PTH2R: variants seen among roughly 807,000 people sequenced by gnomAD.
PTH2R encodes parathyroid hormone 2 receptor, also known as PTH2 receptor.
A neutral mutation model predicts 60.3 loss-of-function variants in PTH2R; 59 were observed. That is an observed-to-expected ratio of 0.98 (90% CI 0.79 to 1.22). The LOEUF (loss-of-function observed/expected upper bound fraction) is 1.22, where lower values mean the gene tolerates loss of function less well. Ranked by LOEUF, PTH2R falls within the 50% of genes most tolerant of loss-of-function variation. The probability of loss-of-function intolerance (pLI) is 0.00; values close to 1 mark genes in which losing one functional copy is unlikely to be tolerated. For missense variants in PTH2R, 749 were observed against 682.6 expected, an observed-to-expected ratio of 1.10 and a Z score of -1.08; for synonymous variants, 256 against 243.8, an observed-to-expected ratio of 1.05 and a Z score of -0.47.
chr2:208,377,267 C>A (rs1463794669), intron 1 of PTH2R, among the ~76,000 whole-genome samples: 1 of 152,160 alleles, frequency 6.6e-6, no homozygotes, highest in Non-Finnish European at 1.5e-5. Context: ...CCCATGTCTA[C>A]TTCTTTCTAC....
chr2:208,477,927 A>G (rs1294598128), intron 9 of PTH2R, among the ~76,000 whole-genome samples: 2 of 146,370 alleles, frequency 1.4e-5, no homozygotes, highest in Admixed American at 1.4e-4. Flanking sequence ...TACTACTAGT[A>G]CTAGCACTAC....
chr2:208,447,093 T>C (rs1159527788), intron 7 of PTH2R, among the ~76,000 whole-genome samples: 1 of 152,148 alleles, frequency 6.6e-6, no homozygotes, highest in Non-Finnish European at 1.5e-5. Flanking sequence ...GTTACACTTA[T>C]ATTGATTGTG....
At chr2:208,488,928 T>C in intron 10 of PTH2R, 84 bp from the exon 11 acceptor site, 1 of 1,438,852 alleles carries the variant, frequency 6.9e-7, no homozygotes, top group Non-Finnish European at 9.4e-7. Context: ...TTAGCTCTGC[T>C]AAGTTTTTTT....
At chr2:208,462,425 G>A (rs1328876930) in intron 9 of PTH2R, among the ~76,000 whole-genome samples, 2 of 152,170 alleles carry the variant, frequency 1.3e-5, no homozygotes, top group South Asian at 2.1e-4. Flanking sequence ...TGGCCCTCCT[G>A]GGAATAAGAA....
intron 7 of PTH2R, among the ~76,000 whole-genome samples, chr2:208,447,101 G>A (rs1401577466): frequency 1.3e-5 from 2 of 152,056 alleles, no homozygotes; most frequent in Admixed American, 6.6e-5. Context: ...TATATTGATT[G>A]TGATGATCCT....
At position 208,378,342 on chromosome 2, in the gene PTH2R, C is replaced by T. The variant is rs565253144; in HGVS notation, c.-259+18105C>T. Among the ~76,000 whole-genome samples the T allele has an allele frequency of 7.6e-4, 116 of 151,796 alleles. 1 individual carries two copies. Among genetic ancestry groups the T allele is most frequent in the Middle Eastern group, 3.4e-3 (1 of 294 alleles). On this transcript the variant is annotated intron_variant, in intron 1 of 12. Transcript: ENST00000617735. ...GCAGCAGTACAGTCCAGCTTTGGCT[C>T]GGCATCAGAGGGATACCGTGGAAAG...
intron 1 of PTH2R, among the ~76,000 whole-genome samples, chr2:208,426,667 G>A (rs1574862190): frequency 6.6e-6 from 1 of 152,230 alleles, no homozygotes; most frequent in East Asian, 1.9e-4. Flanking sequence ...TTGTGGTTTT[G>A]TAAATGTCTG....
intron 1 of PTH2R, 84 bp from the exon 2 acceptor site, chr2:208,428,117 A>G: frequency 2.0e-6 from 2 of 984,476 alleles, no homozygotes; most frequent in South Asian, 1.7e-5. Flanking sequence ...ATTTTCAATT[A>G]GATTAGAAGG....
At chr2:208,417,914 G>A (rs1701674091) in intron 1 of PTH2R, among the ~76,000 whole-genome samples, 2 of 152,040 alleles carry the variant, frequency 1.3e-5, no homozygotes, top group African/African-American at 4.8e-5. Flanking sequence ...TTTTAACTAT[G>A]TTAAAATACA....
Position 208,490,638 on chromosome 2 carries a change from G to A in PTH2R, c.1216-1G>A. 1 of 1,610,336 alleles carries A rather than the reference G, an allele frequency of 6.2e-7. No individual in the cohort carries two copies. The highest frequency in any genetic ancestry group is 1.1e-5 in the South Asian group (1 of 90,138). On this transcript the variant is annotated splice_acceptor_variant, in intron 11 of 12. Transcript: ENST00000272847. LOFTEE classifies it high-confidence loss of function. The stretch of plus-strand genomic sequence containing the variant: ...GGGCTGACTTTCTCTTTTGTCTGCA[G>A]GGTTTCTTTGTGTCTATCATCTACT...
At chr2:208,362,638 T>G (rs963282271) in intron 1 of PTH2R, among the ~76,000 whole-genome samples, 3 of 152,230 alleles carry the variant, frequency 2.0e-5, no homozygotes, top group Admixed American at 6.5e-5. Context: ...TAACCATGGG[T>G]ATGCAAATAC....
chr2:208,386,727 C>G (rs528246164), intron 1 of PTH2R, among the ~76,000 whole-genome samples: 1 of 152,160 alleles, frequency 6.6e-6, no homozygotes, highest in African/African-American at 2.4e-5. Context: ...ACAGATTTCT[C>G]GCTGTATTCT....
intron 2 of PTH2R, among the ~76,000 whole-genome samples, chr2:208,434,662 C>T (rs1347163908): frequency 6.6e-6 from 1 of 151,856 alleles, no homozygotes; most frequent in Admixed American, 6.6e-5. Flanking sequence ...AATGTGTGTC[C>T]AGGTCCAATT....
intron 1 of PTH2R, among the ~76,000 whole-genome samples, chr2:208,416,836 C>T (rs1447077732): frequency 1.3e-5 from 2 of 152,188 alleles, no homozygotes; most frequent in Admixed American, 1.3e-4. Context: ...TGGTTGCTTC[C>T]TGCCCTTGAA....
intron 1 of PTH2R, among the ~76,000 whole-genome samples, chr2:208,412,122 T>C (rs919838945): frequency 1.3e-5 from 2 of 152,236 alleles, no homozygotes; most frequent in African/African-American, 2.4e-5. Context: ...CTGATAGCAA[T>C]TGGACATTTT....
chr2:208,432,343 A>G (rs1559218228), intron 2 of PTH2R, among the ~76,000 whole-genome samples: 2 of 152,174 alleles, frequency 1.3e-5, no homozygotes, highest in African/African-American at 4.8e-5. Context: ...ATCTTTCAGG[A>G]TGGTGTATAA....
intron 9 of PTH2R, among the ~76,000 whole-genome samples, chr2:208,477,182 G>T (rs758601056): frequency 6.6e-6 from 1 of 152,130 alleles, no homozygotes; most frequent in Non-Finnish European, 1.5e-5. Context: ...AGAGAGTAGA[G>T]GAGAAGATAG....
intron 10 of PTH2R, among the ~76,000 whole-genome samples, chr2:208,483,112 C>G (rs1703195479): frequency 1.3e-5 from 2 of 152,164 alleles, no homozygotes; most frequent in Non-Finnish European, 2.9e-5. Context: ...TGTTGAGCTG[C>G]AAAGACTACA....
chr2:208,378,627 A>G (rs1700855689), intron 1 of PTH2R, among the ~76,000 whole-genome samples: 1 of 152,060 alleles, frequency 6.6e-6, no homozygotes, highest in South Asian at 2.1e-4. Context: ...TTTCTACCCT[A>G]TGAGGACACA....
Sources: allele counts gnomAD v4.1 joint callset (sites outside exome capture counted in the v4.1 genomes callset), GRCh38; gene constraint gnomAD v4.1.1; transcripts MANE v1.5; gene names NCBI Gene and HGNC (gene_info 2026-07-23, HGNC 2026-07-21).